The following PFKP variants were observed in gnomAD, a reference collection of about 807,000 sequenced individuals.
The protein encoded by PFKP is ATP-dependent 6-phosphofructokinase, platelet type.
In PFKP, 101 loss-of-function variants were observed where a neutral mutation model predicts 94.3. The observed-to-expected ratio is 1.07, with a 90% confidence interval of 0.91 to 1.26. The LOEUF is 1.26. PFKP is among the 50% of genes most tolerant of loss of function. The pLI, the probability that PFKP is intolerant of heterozygous loss-of-function variation, is 0.00. For synonymous variants in PFKP, 573 were observed against 432.6 expected (o/e 1.32, Z -4.03); for missense variants, 1,145 against 1,103.3 (o/e 1.04, Z -0.53).
At chr10:3,101,301 G>A in intron 3 of PFKP, 64 bp from the exon 4 acceptor site, 2 of 1,349,530 alleles carry the variant, frequency 1.5e-6, no homozygotes, top group Non-Finnish European at 2.0e-6. Flanking sequence ...GTCGGCCTGT[G>A]TGTGCCATCC....
intron 16 of PFKP, among the ~76,000 whole-genome samples, chr10:3,127,508 CTGGG>C (rs1255922667): frequency 6.6e-6 from 1 of 152,314 alleles, no homozygotes; most frequent in East Asian, 1.9e-4. Flanking sequence ...TTTTGTGCCT[CTGGG>C]GGTCCTGAGG....
At chr10:3,133,852 C>T (rs996899675) in intron 19 of PFKP, among the ~76,000 whole-genome samples, 1 of 152,288 alleles carries the variant, frequency 6.6e-6, no homozygotes. Flanking sequence ...GTGATACCCC[C>T]ATTACTTGGA....
At chr10:3,108,868 C>T (rs372245129) in intron 9 of PFKP, 75 bp downstream of exon 9, 17 of 1,089,150 alleles carry the variant, frequency 1.6e-5, no homozygotes, top group East Asian at 4.7e-5. Flanking sequence ...AGGCACCAGC[C>T]GGCCACAGAG....
In PFKP at chr10:3,078,939, G is replaced by T. The variant is rs115622882; in HGVS notation, c.113-3449G>T. On this transcript the variant is annotated intron_variant, in intron 1 of 21. Coordinates refer to ENST00000381125, the MANE Select transcript of PFKP (RefSeq NM_002627.5). ...TTAATAGAAGTCCTTTCAGGACCTA[G>T]AATTGTGTCTCTTTAAAAGTGTGGT... is the stretch of plus-strand genomic sequence containing the variant. Among the ~76,000 whole-genome samples the T allele has an allele frequency of 5.9e-3, 903 of 152,316 alleles. 9 individuals are homozygous for T. The highest frequency in any genetic ancestry group is 0.02 in the African/African-American group (847 of 41,560).
intron 13 of PFKP, among the ~76,000 whole-genome samples, chr10:3,114,435 C>A (rs1433149745): frequency 6.6e-6 from 1 of 152,214 alleles, no homozygotes; most frequent in Non-Finnish European, 1.5e-5. Context: ...CAGGCATGAC[C>A]CACCGTGCCC....
intron 20 of PFKP, among the ~76,000 whole-genome samples, 197 bp from the exon 21 acceptor site, chr10:3,135,539 G>A (rs2131748573): frequency 6.6e-6 from 1 of 152,350 alleles, no homozygotes; most frequent in East Asian, 1.9e-4. Context: ...GAAGCCCTCG[G>A]GGCAGTCCCA....
intron 14 of PFKP, 150 bp from the exon 15 acceptor site, chr10:3,118,632 A>C: frequency 1.7e-6 from 1 of 584,390 alleles, no homozygotes. Context: ...TCTGCCAGCC[A>C]CAACGGCATG....
At chr10:3,094,993 G>A (rs1043202485) in intron 2 of PFKP, among the ~76,000 whole-genome samples, 1 of 152,192 alleles carries the variant, frequency 6.6e-6, no homozygotes, top group East Asian at 1.9e-4. Context: ...CACTTTTAAA[G>A]TCTGTTATCT....
intron 2 of PFKP, among the ~76,000 whole-genome samples, chr10:3,084,167 G>C (rs1416248464): frequency 6.6e-6 from 1 of 152,160 alleles, no homozygotes; most frequent in Non-Finnish European, 1.5e-5. Flanking sequence ...GAGCTAAAAG[G>C]GACAGTCATC....
intron 16 of PFKP, among the ~76,000 whole-genome samples, chr10:3,122,857 G>C (rs1837565664): frequency 6.6e-6 from 1 of 152,218 alleles, no homozygotes; most frequent in African/African-American, 2.4e-5. Flanking sequence ...TTAGAAGTGG[G>C]AAAAGGGATG....
intron 21 of PFKP, 73 bp downstream of exon 21, chr10:3,135,911 TGCTGTC>T (rs1415465219): frequency 1.0e-5 from 9 of 886,442 alleles, no homozygotes; most frequent in Non-Finnish European, 1.7e-5. Context: ...CCATTGCTGT[TGCTGTC>T]GGCAACTCAT....
chr10:3,110,907 T>C (rs1406290789), intron 10 of PFKP, among the ~76,000 whole-genome samples: 1 of 151,740 alleles, frequency 6.6e-6, no homozygotes, highest in Non-Finnish European at 1.5e-5. Flanking sequence ...TTTGTGTGCA[T>C]GCATGTTTGT....
chr10:3,131,535 C>A (rs10430770), intron 17 of PFKP, among the ~76,000 whole-genome samples: 1 of 152,078 alleles, frequency 6.6e-6, no homozygotes, highest in Non-Finnish European at 1.5e-5. Context: ...CGGCTCACTG[C>A]AACTTCCGCC....
intron 2 of PFKP, among the ~76,000 whole-genome samples, chr10:3,094,585 G>A (rs1056042298): frequency 6.6e-6 from 1 of 152,252 alleles, no homozygotes; most frequent in Admixed American, 6.5e-5. Context: ...TGTTGGTGTG[G>A]GGCTGTTTAA....
chr10:3,075,408 C>G (rs1419166073), intron 1 of PFKP, among the ~76,000 whole-genome samples: 1 of 151,662 alleles, frequency 6.6e-6, no homozygotes, highest in Non-Finnish European at 1.5e-5. Flanking sequence ...TACTCAAGGG[C>G]AGTATTGAAG....
Position 3,134,532 on chromosome 10 carries a change from C to T in PFKP, c.2072C>T (p.Ala691Val). 6.2e-7 allele frequency: 1 copy of T among 1,614,040 alleles called. No individual in the cohort carries two copies. The highest frequency in any genetic ancestry group is 8.5e-7 in the Non-Finnish European group (1 of 1,179,932). ...AGAAACTTTGGAACCAAAATCTCTG[C>T]CAGAGCTATGGAGTGGATCACTGCA... The part of the protein sequence containing the change: ...FDRNFGTKIS[A>V]RAMEWITAKL... Residue 691 changes from alanine to valine, a missense_variant, in exon 20 of 22, where the codon GCC (alanine) becomes GTC (valine). Ala to Val is a moderately conservative substitution (Grantham distance 64). This residue lies in a region of PFKP where 1,119 missense variants were observed against 1,062.8 expected (regional missense o/e 1.05). Coordinates refer to ENST00000381125, the MANE Select transcript of PFKP (RefSeq NM_002627.5).
At chr10:3,077,294 A>C (rs1832688593) in intron 1 of PFKP, among the ~76,000 whole-genome samples, 1 of 111,662 alleles carries the variant, frequency 9.0e-6, no homozygotes, top group Non-Finnish European at 1.7e-5. Context: ...ATGGAATCTC[A>C]CTCTGTCACC....
chr10:3,098,639 C>G (rs1310104339), intron 2 of PFKP, among the ~76,000 whole-genome samples: 1 of 132,722 alleles, frequency 7.5e-6, no homozygotes, highest in East Asian at 2.5e-4. Flanking sequence ...CGCCACTGCA[C>G]TCCAGCCTGG....
chr10:3,099,823 C>T (rs1274943370), intron 3 of PFKP, among the ~76,000 whole-genome samples: 8 of 150,848 alleles, frequency 5.3e-5, no homozygotes, highest in East Asian at 2.0e-4. Context: ...AGTTGAAGTG[C>T]GTATGTGTAT....
Sources: allele counts gnomAD v4.1 joint callset (sites outside exome capture counted in the v4.1 genomes callset), GRCh38; gene constraint gnomAD v4.1.1; regional missense constraint gnomAD v4.1.1; transcripts MANE v1.5; gene names NCBI Gene and HGNC (gene_info 2026-07-23, HGNC 2026-07-21).